SPRED2: variants seen among roughly 807,000 people sequenced by gnomAD.
The protein encoded by SPRED2 is sprouty-related, EVH1 domain-containing protein 2.
In SPRED2, 47 loss-of-function variants were observed where a neutral mutation model predicts 43.0. That is an observed-to-expected ratio of 1.09 (90% CI 0.87 to 1.40). The LOEUF is 1.40. Ranked by LOEUF, SPRED2 falls within the 40% of genes most tolerant of loss-of-function variation. The pLI is 0.00. For missense variants in SPRED2, 561 were observed against 586.4 expected (o/e 0.96, Z 0.45); for synonymous variants, 225 against 225.7 (o/e 1.00, Z 0.03).
intron 1 of SPRED2, among the ~76,000 whole-genome samples, chr2:65,431,134 G>A (rs970636267): frequency 8.6e-5 from 13 of 151,138 alleles, no homozygotes; most frequent in African/African-American, 3.2e-4. Flanking sequence ...GATCCCTCCG[G>A]CGGAGCGCCC....
chr2:65,308,355 C>T (rs1470798637), downstream of SPRED2: 1 of 985,458 alleles, frequency 1.0e-6, no homozygotes, highest in Non-Finnish European at 1.2e-6. Context: ...GAAACCCAGC[C>T]AGCTTAGTGC....
chr2:65,386,143 G>A (rs1675492993), intron 1 of SPRED2, among the ~76,000 whole-genome samples: 1 of 152,098 alleles, frequency 6.6e-6, no homozygotes, highest in Admixed American at 6.5e-5. Context: ...AAATTAGCTG[G>A]GCGTGGTAGC....
intron 4 of SPRED2, among the ~76,000 whole-genome samples, chr2:65,328,595 T>A (rs1362393513): frequency 1.3e-5 from 2 of 152,156 alleles, no homozygotes; most frequent in Non-Finnish European, 2.9e-5. Flanking sequence ...CAGTAATGGT[T>A]CCACATCACT....
At chr2:65,371,000 C>A (rs562693328) in intron 1 of SPRED2, among the ~76,000 whole-genome samples, 4 of 152,306 alleles carry the variant, frequency 2.6e-5, no homozygotes, top group African/African-American at 9.6e-5. Context: ...ATGAAGGATG[C>A]TTTCAAGGGG....
chr2:65,418,984 CT>C (rs1304525431), intron 1 of SPRED2, among the ~76,000 whole-genome samples: 1 of 151,984 alleles, frequency 6.6e-6, no homozygotes, highest in African/African-American at 2.4e-5. Flanking sequence ...TTAAATATTA[CT>C]TTATTATTCA....
intron 1 of SPRED2, among the ~76,000 whole-genome samples, chr2:65,422,096 ACACACACACTCTCT>A (rs1294174378): frequency 1.2e-4 from 14 of 112,178 alleles, no homozygotes; most frequent in African/African-American, 4.7e-4. Flanking sequence ...ACACACACAC[ACACACACACTCTCT>A]CTCTCTCTCT....
Position 65,311,220 on chromosome 2 carries a change from A to G in SPRED2, c.*2281T>C. 2.0e-6 allele frequency: 2 copies of G among 985,886 alleles called. No individual in the cohort carries two copies. The highest frequency in any genetic ancestry group is 2.4e-6 in the Non-Finnish European group (2 of 829,934). 61.1% of individuals were successfully genotyped at this position (985,886 alleles called of 1,614,324 possible). On this transcript the variant is annotated 3_prime_UTR_variant, in exon 6 of 6. Transcript: ENST00000356388. ...CGTCAGTATGGCAAAGCTGACTGGG[A>G]AAATACTACACACTGTTCAGCTGCA...
intron 1 of SPRED2, among the ~76,000 whole-genome samples, chr2:65,431,064 G>A (rs903478392): frequency 6.6e-6 from 1 of 152,010 alleles, no homozygotes; most frequent in Non-Finnish European, 1.5e-5. Context: ...CGAGGCAGGA[G>A]GCAGCTGCAC....
intron 4 of SPRED2, among the ~76,000 whole-genome samples, chr2:65,330,103 A>G (rs1673766546): frequency 6.6e-6 from 1 of 152,120 alleles, no homozygotes; most frequent in South Asian, 2.1e-4. Flanking sequence ...CCCCTCCCTC[A>G]TCTCTCAACC....
intron 4 of SPRED2, among the ~76,000 whole-genome samples, chr2:65,318,351 C>A (rs979821032): frequency 6.6e-6 from 1 of 151,986 alleles, no homozygotes; most frequent in Non-Finnish European, 1.5e-5. Context: ...TGAGACACAA[C>A]GGAGCAGGCC....
chr2:65,380,160 A>G (rs268138), intron 1 of SPRED2, among the ~76,000 whole-genome samples: 64,322 of 151,998 alleles, frequency 0.42, 13,986 homozygotes, highest in African/African-American at 0.51. Context: ...CTAAGTCAAA[A>G]GTCACGTTTT....
intron 1 of SPRED2, among the ~76,000 whole-genome samples, chr2:65,401,183 C>G (rs1291709882): frequency 6.6e-6 from 1 of 151,674 alleles, no homozygotes; most frequent in Non-Finnish European, 1.5e-5. Flanking sequence ...ACCACGTTGG[C>G]CAGGCTGGTC....
intron 1 of SPRED2, among the ~76,000 whole-genome samples, chr2:65,419,161 C>G (rs1381959796): frequency 6.6e-6 from 1 of 152,102 alleles, no homozygotes; most frequent in Non-Finnish European, 1.5e-5. Flanking sequence ...TATCCACATT[C>G]AAGAACTTTT....
At chr2:65,410,541 C>T (rs1034059415) in intron 1 of SPRED2, among the ~76,000 whole-genome samples, 3 of 152,130 alleles carry the variant, frequency 2.0e-5, no homozygotes, top group South Asian at 2.1e-4. Context: ...GGGCGGATCA[C>T]AAGGTCAGGA....
At chr2:65,399,531 C>T (rs934258497) in intron 1 of SPRED2, among the ~76,000 whole-genome samples, 3 of 151,426 alleles carry the variant, frequency 2.0e-5, no homozygotes, top group Admixed American at 6.6e-5. Flanking sequence ...TACAGGTGCA[C>T]GCCACCACGC....
At chr2:65,403,144 C>T (rs1246976054) in intron 1 of SPRED2, among the ~76,000 whole-genome samples, 1 of 152,212 alleles carries the variant, frequency 6.6e-6, no homozygotes, top group Non-Finnish European at 1.5e-5. Context: ...TCAGGACCGG[C>T]TATAAACTCG....
chr2:65,401,971 A>ACC (rs1183918834), intron 1 of SPRED2, among the ~76,000 whole-genome samples: 16 of 150,496 alleles, frequency 1.1e-4, no homozygotes, highest in Non-Finnish European at 1.5e-4. Flanking sequence ...ACACACACAC[A>ACC]CACCTGTTAA....
At chr2:65,341,745 A>G (rs1481235607) in intron 2 of SPRED2, among the ~76,000 whole-genome samples, 1 of 152,206 alleles carries the variant, frequency 6.6e-6, no homozygotes, top group East Asian at 1.9e-4. Context: ...ACCAGTGACT[A>G]GATTAGATAA....
chr2:65,314,100 G>T lies in SPRED2; in HGVS notation c.658C>A (p.Arg220=). The part of the protein sequence containing the change: ...DDEEIVRINP[R]EKIWMTGYED... ...TACCCCGTCATCCAGATCTTCTCCC[G>T]GGGGTTGATGCGCACGATCTCCTCG... Residue 220 remains arginine, a synonymous_variant, in exon 6 of 6, where the codon CGG becomes AGG. Transcript: ENST00000356388. The T allele has an allele frequency of 6.2e-7, 1 of 1,612,958 alleles. No homozygotes were observed. Among genetic ancestry groups the T allele is most frequent in the Non-Finnish European group, 8.5e-7 (1 of 1,179,042 alleles).
Sources: allele counts gnomAD v4.1 joint callset (sites outside exome capture counted in the v4.1 genomes callset), GRCh38; gene constraint gnomAD v4.1.1; transcripts MANE v1.5; gene names NCBI Gene and HGNC (gene_info 2026-07-23, HGNC 2026-07-21).